PTH2R: variants seen among roughly 807,000 people sequenced by gnomAD.
PTH2R encodes the protein parathyroid hormone 2 receptor.
In PTH2R, 59 loss-of-function variants were observed where a neutral mutation model predicts 60.3. The ratio of observed to expected loss-of-function variants is 0.98; its 90% CI spans 0.79 to 1.22. The LOEUF is 1.22. Ranked by LOEUF, PTH2R falls within the 50% of genes most tolerant of loss-of-function variation. The pLI, the probability that PTH2R is intolerant of heterozygous loss-of-function variation, is 0.00. For missense variants in PTH2R, 749 were observed against 682.6 expected (o/e 1.10, Z -1.08); for synonymous variants, 256 against 243.8 (o/e 1.05, Z -0.47).
At chr2:208,424,945 G>T (rs1300529289) in intron 1 of PTH2R, among the ~76,000 whole-genome samples, 1 of 152,100 alleles carries the variant, frequency 6.6e-6, no homozygotes, top group Non-Finnish European at 1.5e-5. Context: ...TTTGTACAAT[G>T]ATTTTGAACC....
At chr2:208,376,977 G>A (rs899737975) in intron 1 of PTH2R, among the ~76,000 whole-genome samples, 3 of 151,958 alleles carry the variant, frequency 2.0e-5, no homozygotes, top group African/African-American at 7.3e-5. Flanking sequence ...AGATAAACAA[G>A]TGAACAAAGG....
intron 9 of PTH2R, among the ~76,000 whole-genome samples, chr2:208,469,506 G>A (rs1702833179): frequency 6.6e-6 from 1 of 152,186 alleles, no homozygotes; most frequent in South Asian, 2.1e-4. Context: ...TTAAGTATGA[G>A]CAGTCAGGAG....
At chr2:208,367,474 GCAGTGGCA>G (rs1700616339) in intron 1 of PTH2R, among the ~76,000 whole-genome samples, 1 of 133,254 alleles carries the variant, frequency 7.5e-6, no homozygotes, top group Non-Finnish European at 1.5e-5. Flanking sequence ...AGGCTGAAGT[GCAGTGGCA>G]CAATCTCGGC....
chr2:208,458,131 C>T (rs1287967654), intron 8 of PTH2R, among the ~76,000 whole-genome samples: 15 of 152,092 alleles, frequency 9.9e-5, no homozygotes, highest in Admixed American at 9.8e-4. Context: ...AAGATCTTTA[C>T]TAGTACAAAC....
intron 1 of PTH2R, among the ~76,000 whole-genome samples, chr2:208,421,208 CA>C (rs1376288024): frequency 2.0e-5 from 3 of 152,134 alleles, no homozygotes; most frequent in Non-Finnish European, 1.5e-5. Flanking sequence ...TTTCTTAAAT[CA>C]TTTTCAGTTT....
intron 7 of PTH2R, among the ~76,000 whole-genome samples, chr2:208,449,419 A>G (rs1466943858): frequency 6.9e-6 from 1 of 144,680 alleles, no homozygotes. Flanking sequence ...TAGACAATAA[A>G]TGATTAATGG....
At chr2:208,472,926 G>T (rs1378282752) in intron 9 of PTH2R, among the ~76,000 whole-genome samples, 1 of 152,132 alleles carries the variant, frequency 6.6e-6, no homozygotes, top group African/African-American at 2.4e-5. Context: ...TTTAGAAAAT[G>T]CTGAAGCCAA....
At chr2:208,427,512 G>C (rs1260259714) in intron 1 of PTH2R, among the ~76,000 whole-genome samples, 1 of 152,020 alleles carries the variant, frequency 6.6e-6, no homozygotes, top group Non-Finnish European at 1.5e-5. Context: ...AATCGTTAAA[G>C]TAAATATGGG....
At chr2:208,436,815 T>C (rs778122783) in intron 2 of PTH2R, among the ~76,000 whole-genome samples, 48 of 152,250 alleles carry the variant, frequency 3.2e-4, no homozygotes, top group Admixed American at 3.9e-4. Flanking sequence ...GCACATTCTA[T>C]AGTTATTCTT....
chr2:208,365,929 AATATATATATATATATAT>A (rs1224025157), intron 1 of PTH2R, among the ~76,000 whole-genome samples: 15 of 43,734 alleles, frequency 3.4e-4, no homozygotes, highest in African/African-American at 1.3e-3. Context: ...ATAATAGATA[AATATATATATATATATAT>A]ATATATATAT....
In PTH2R at chr2:208,433,775, C is replaced by T. The variant is rs559990537; in HGVS notation, c.179-3762C>T. Among the ~76,000 whole-genome samples the T allele has an allele frequency of 3.3e-5, 5 of 152,272 alleles. No individual in the cohort carries two copies. In the South Asian group the frequency reaches 8.3e-4, roughly 25 times the overall value. On this transcript the variant is annotated intron_variant, in intron 2 of 12. Transcript: ENST00000272847. The stretch of plus-strand genomic sequence containing the variant: ...TATTATTTCAAGTGTGGTCACATTT[C>T]GTTTGAAAAGAGAAAAACGTTCTCC...
intron 1 of PTH2R, among the ~76,000 whole-genome samples, chr2:208,368,528 T>A (rs1700636676): frequency 6.7e-6 from 1 of 150,250 alleles, no homozygotes; most frequent in Non-Finnish European, 1.5e-5. Flanking sequence ...TTTTTGTTTT[T>A]GTTTTTTGTT....
At chr2:208,479,933 C>T (rs1426083492) in intron 9 of PTH2R, among the ~76,000 whole-genome samples, 2 of 152,214 alleles carry the variant, frequency 1.3e-5, no homozygotes, top group Non-Finnish European at 2.9e-5. Flanking sequence ...CTATTATCGG[C>T]CTGGAAACAT....
chr2:208,409,976 A>G (rs1426224425), intron 1 of PTH2R, among the ~76,000 whole-genome samples: 1 of 152,150 alleles, frequency 6.6e-6, no homozygotes, highest in African/African-American at 2.4e-5. Flanking sequence ...AGGATTGGAC[A>G]GGGGTAACCT....
At chr2:208,414,055 A>G (rs1701593006) in intron 1 of PTH2R, among the ~76,000 whole-genome samples, 1 of 152,152 alleles carries the variant, frequency 6.6e-6, no homozygotes, top group African/African-American at 2.4e-5. Flanking sequence ...TATGCTTACT[A>G]GGGCCCACTG....
chr2:208,431,601 C>A (rs1701972626), intron 2 of PTH2R, among the ~76,000 whole-genome samples: 1 of 152,240 alleles, frequency 6.6e-6, no homozygotes, highest in Non-Finnish European at 1.5e-5. Context: ...TTCCCCTCCA[C>A]TGTTTTCTAT....
chr2:208,493,300 A>C lies in PTH2R; in HGVS notation c.1294A>C (p.Asn432His). 6.6e-7 allele frequency: 1 copy of C among 1,521,868 alleles called. No homozygotes were observed. The highest frequency in any genetic ancestry group is 8.8e-7 in the Non-Finnish European group (1 of 1,132,328). The allele number at this position is 1,521,868 out of a possible 1,614,324, so 94.3% of individuals were successfully genotyped here. ...GGTGAAGAAGATGTGGAGTCGGTGG[A>C]ACCTCTCCGTGGACTGGAAAAGGAC... ...AEVKKMWSRW[N>H]LSVDWKRTPP... Residue 432 changes from asparagine to histidine, a missense_variant, in exon 13 of 13, where the codon AAC becomes CAC. Physicochemically the swap from Asn to His is moderately conservative, Grantham distance 68 (BLOSUM62 1). Transcript: ENST00000272847.
In PTH2R at chr2:208,494,470, G is replaced by C; in HGVS notation, c.*811G>C. 6.6e-6 allele frequency: 1 copy of C among 152,118 alleles called. No homozygotes were observed. The highest frequency in any genetic ancestry group is 1.9e-4 in the East Asian group (1 of 5,192). 9.4% of individuals were successfully genotyped at this position (152,118 alleles called of 1,614,324 possible). On this transcript the variant is annotated 3_prime_UTR_variant, in exon 13 of 13. Coordinates refer to ENST00000272847, the MANE Select transcript of PTH2R (RefSeq NM_005048.4). ...TTTGAGCTGTTACTACATTGTACAT[G>C]GCATGTGGGATCAATTAAAAATTTG...
chr2:208,385,069 G>A (rs1700978802), intron 1 of PTH2R, among the ~76,000 whole-genome samples: 1 of 152,098 alleles, frequency 6.6e-6, no homozygotes, highest in African/African-American at 2.4e-5. Context: ...TGTACTTTAA[G>A]AAAATGGATG....
Sources: allele counts gnomAD v4.1 joint callset (sites outside exome capture counted in the v4.1 genomes callset), GRCh38; gene constraint gnomAD v4.1.1; transcripts MANE v1.5; gene names NCBI Gene and HGNC (gene_info 2026-07-23, HGNC 2026-07-21).